Variants in SH2D3C observed in about 807,000 individuals in gnomAD.
SH2D3C encodes SH2 domain-containing protein 3C.
A neutral mutation model predicts 75.2 loss-of-function variants in SH2D3C; 25 were observed. That is an observed-to-expected ratio of 0.33 (90% CI 0.24 to 0.46). The LOEUF is 0.46. Among genes scored for constraint, SH2D3C ranks in the 20% least tolerant of loss-of-function variants. The pLI is 1.00. For missense variants in SH2D3C, 933 were observed against 1,165.3 expected, an observed-to-expected ratio of 0.80 and a Z score of 2.90; for synonymous variants, 450 against 473.7, an observed-to-expected ratio of 0.95 and a Z score of 0.65.
intron 7 of SH2D3C, among the ~76,000 whole-genome samples, chr9:127,743,555 G>C (rs951333274): frequency 2.0e-5 from 3 of 152,146 alleles, no homozygotes; most frequent in African/African-American, 4.8e-5. Flanking sequence ...TTAAGAGCTG[G>C]ATACTTGTTC....
At chr9:127,742,188 G>A (rs1350822283) in intron 8 of SH2D3C, among the ~76,000 whole-genome samples, 4 of 152,162 alleles carry the variant, frequency 2.6e-5, no homozygotes, top group Admixed American at 2.0e-4. Context: ...GGGTCAGCAG[G>A]GAAATGCATC....
chr9:127,771,346 C>A, intron 2 of SH2D3C: 2 of 1,372,766 alleles, frequency 1.5e-6, no homozygotes, highest in Non-Finnish European at 1.9e-6. Context: ...GGAGACTGAC[C>A]TGTAGACCAC....
Position 127,749,176 on chromosome 9 carries a change from C to T in SH2D3C, c.1139+35G>A, listed in dbSNP as rs771746208. 9 of 1,473,724 alleles carry T rather than the reference C, an allele frequency of 6.1e-6. No individual in the cohort carries two copies. Among genetic ancestry groups the T allele is most frequent in the Non-Finnish European group, 7.3e-6 (8 of 1,091,742 alleles). 91.3% of individuals were successfully genotyped at this position (1,473,724 alleles called of 1,614,324 possible). On this transcript the variant is annotated intron_variant, in intron 5 of 11. Coordinates refer to ENST00000314830, the MANE Select transcript of SH2D3C (RefSeq NM_170600.3). This position sits in a 1 kb window ranked among gnomAD's most constrained non-coding sequence, Gnocchi z 5.9. Reference sequence around the variant, plus strand: ...CTTTCTCACTAGCCCTCTCATTACCCACAACCCCATTTGACAAATGGGGCC... The same window carrying T: ...CTTTCTCACTAGCCCTCTCATTACCTACAACCCCATTTGACAAATGGGGCC...
chr9:127,777,218 CA>C lies in SH2D3C; in HGVS notation c.37+1372del, dbSNP rs1466428194. 2.0e-5 allele frequency among the ~76,000 whole-genome samples: 3 copies of C among 152,288 alleles called. No homozygotes were observed. The East Asian group carries it at 5.8e-4, about 29-fold the overall frequency. ...GTCCCCCACCCTGGTGGGGTCAGAT[CA>C]AAGGAATCAGGAGACAGAAAAAGTT... On this transcript the variant is annotated intron_variant, in intron 1 of 11. Transcript: ENST00000314830.
intron 3 of SH2D3C, among the ~76,000 whole-genome samples, chr9:127,758,061 A>C (rs1845440366): frequency 6.6e-6 from 1 of 151,902 alleles, no homozygotes; most frequent in Non-Finnish European, 1.5e-5. Context: ...CCCAATTCCA[A>C]GGCCCAAGGC....
Position 127,751,193 on chromosome 9 carries a change from G to C in SH2D3C, c.663C>G (p.Tyr221Ter). ...SSTDLRSHAW[Y>*]HGRIPREVSE... is the part of the protein sequence containing the mutation. The stretch of plus-strand genomic sequence containing the variant: ...TCACCTCTCGGGGGATGCGGCCATG[G>C]TACCAGGCATGGCTGCGGAGATCCG... The change falls in exon 4 of 12, where the codon TAC becomes TAG. Residue 221 changes from tyrosine to a stop codon, truncating the protein, a stop_gained. Coordinates refer to ENST00000314830, the MANE Select transcript of SH2D3C (RefSeq NM_170600.3). LOFTEE classifies it high-confidence loss of function. This position sits in a 1 kb window ranked among gnomAD's most constrained non-coding sequence, Gnocchi z 4.1. The C allele has an allele frequency of 6.2e-7, 1 of 1,614,002 alleles. No homozygotes were observed. Among genetic ancestry groups the C allele is most frequent in the Non-Finnish European group, 8.5e-7 (1 of 1,179,936 alleles).
chr9:127,765,152 G>T (rs1243816572), intron 2 of SH2D3C, among the ~76,000 whole-genome samples: 3 of 152,110 alleles, frequency 2.0e-5, no homozygotes. Flanking sequence ...GGGATTACAG[G>T]TGTGAGCGAC....
At chr9:127,772,809 A>G (rs1199493927) in intron 2 of SH2D3C, among the ~76,000 whole-genome samples, 5 of 151,320 alleles carry the variant, frequency 3.3e-5, no homozygotes, top group Middle Eastern at 3.4e-3. Flanking sequence ...CAGTTTCCCA[A>G]TCTGTAAGTG....
intron 2 of SH2D3C, chr9:127,767,149 A>G: frequency 1.3e-6 from 2 of 1,535,456 alleles, no homozygotes; most frequent in Non-Finnish European, 1.7e-6. Flanking sequence ...AGTGGGCTGC[A>G]GTGTCCAGCA....
At chr9:127,760,329 A>C (rs1427520742) in intron 3 of SH2D3C, among the ~76,000 whole-genome samples, 1 of 152,042 alleles carries the variant, frequency 6.6e-6, no homozygotes, top group East Asian at 1.9e-4. Context: ...CTGGGGGTAG[A>C]AGGTCAAGGG....
intron 5 of SH2D3C, among the ~76,000 whole-genome samples, chr9:127,748,145 C>G (rs1213978188): frequency 3.9e-5 from 6 of 152,184 alleles, no homozygotes; most frequent in Non-Finnish European, 8.8e-5. Context: ...AATCTTTCCT[C>G]CAACCTGGAG....
In SH2D3C at chr9:127,754,571, G is replaced by T. The variant is rs1209082901; in HGVS notation, c.556-3271C>A. Among the ~76,000 whole-genome samples the T allele has an allele frequency of 6.6e-6, 1 of 152,152 alleles. No individual in the cohort carries two copies. The highest frequency in any genetic ancestry group is 6.5e-5 in the Admixed American group (1 of 15,282). The stretch of plus-strand genomic sequence containing the variant: ...GGGCTGGGAGAGACCCGCGCCCCAG[G>T]CATGTCCAAGCCCACCTAGAGGGCG... On this transcript the variant is annotated intron_variant, in intron 3 of 11. Transcript: ENST00000314830. The surrounding 1 kb of genome is among the most constrained non-coding windows in gnomAD (Gnocchi z 4.4).
Position 127,739,860 on chromosome 9 carries a change from A to G in SH2D3C, c.2229T>C (p.Phe743=), listed in dbSNP as rs979256466. The change falls in exon 11 of 12, where the codon TTT becomes TTC. Residue 743 remains phenylalanine, a synonymous_variant. Coordinates refer to ENST00000314830, the MANE Select transcript of SH2D3C (RefSeq NM_170600.3). This position sits in a 1 kb window ranked among gnomAD's most constrained non-coding sequence, Gnocchi z 4.3. The stretch of plus-strand genomic sequence containing the variant: ...GGGTGATGAGGGGCAGCACATGAGG[A>G]AACGTGGTGTTGCTCAGCGGCGGGC... The part of the protein sequence containing the change: ...KEGPPLSNTT[F]PHVLPLITLL... 1.3e-6 allele frequency: 2 copies of G among 1,557,572 alleles called. No homozygotes were observed. The highest frequency in any genetic ancestry group is 1.7e-6 in the Non-Finnish European group (2 of 1,147,632).
At position 127,774,215 on chromosome 9, in the gene SH2D3C, G is replaced by A; in HGVS notation, c.290C>T (p.Ala97Val). The A allele has an allele frequency of 6.2e-7, 1 of 1,613,976 alleles. No individual in the cohort carries two copies. Among genetic ancestry groups the A allele is most frequent in the Non-Finnish European group, 8.5e-7 (1 of 1,179,946 alleles). The change falls in exon 2 of 12, where the codon GCC becomes GTC. Residue 97 changes from alanine to valine, a missense_variant. Coordinates refer to ENST00000314830, the MANE Select transcript of SH2D3C (RefSeq NM_170600.3). The surrounding 1 kb of genome is among the most constrained non-coding windows in gnomAD (Gnocchi z 4.3). The part of the protein sequence containing the change: ...KAQNSQAARQ[A>V]QEAGPKPNLV... The stretch of plus-strand genomic sequence containing the variant: ...GTTGGGCTTGGGACCCGCCTCCTGG[G>A]CCTGCCGGGCAGCCTGTGAGTTCTG...
At chr9:127,773,108 C>A (rs184274911) in intron 2 of SH2D3C, among the ~76,000 whole-genome samples, 1 of 152,146 alleles carries the variant, frequency 6.6e-6, no homozygotes, top group East Asian at 1.9e-4. Context: ...CTGCACCCAG[C>A]CTTAATGATT....
At chr9:127,746,084 C>T in intron 6 of SH2D3C, among the ~76,000 whole-genome samples, 1 of 152,218 alleles carries the variant, frequency 6.6e-6, no homozygotes. Flanking sequence ...AGATTTAAGT[C>T]TTGACATCTG....
At chr9:127,745,434 C>T (rs1214178738) in intron 6 of SH2D3C, among the ~76,000 whole-genome samples, 2 of 145,656 alleles carry the variant, frequency 1.4e-5, no homozygotes, top group Non-Finnish European at 3.0e-5. Flanking sequence ...TGTTTCTCGA[C>T]GAATTAGCAA....
Position 127,749,468 on chromosome 9 carries a change from G to C in SH2D3C, c.882C>G (p.Pro294=). 6.2e-7 allele frequency: 1 copy of C among 1,614,178 alleles called. No individual in the cohort carries two copies. Among genetic ancestry groups the C allele is most frequent in the Non-Finnish European group, 8.5e-7 (1 of 1,180,038 alleles). ...TGCCCACATGATAGCGCACGAGGGC[G>C]GGCACGTGGTCAAAGCTCTCCTGCT... ...LFEQESFDHV[P]ALVRYHVGSR... The change falls in exon 5 of 12, where the codon CCC becomes CCG. Residue 294 remains proline, a synonymous_variant. Transcript: ENST00000314830. This position sits in a 1 kb window ranked among gnomAD's most constrained non-coding sequence, Gnocchi z 5.9.
intron 3 of SH2D3C, among the ~76,000 whole-genome samples, chr9:127,757,614 T>C (rs1845418879): frequency 1.7e-5 from 2 of 115,622 alleles, no homozygotes; most frequent in South Asian, 3.0e-4. Context: ...ATGATGATGA[T>C]GATGATGATG....
Sources: gnomAD v4.1 joint callset for allele counts (sites outside exome capture counted in the v4.1 genomes callset) on GRCh38, gnomAD v4.1.1 for gene constraint, Gnocchi (gnomAD v3.1) non-coding constraint, MANE v1.5 for transcripts, NCBI Gene and HGNC (gene_info 2026-07-23, HGNC 2026-07-21) for gene names.